The following SETDB1 variants were observed in gnomAD, a reference collection of about 807,000 sequenced individuals.
The protein encoded by SETDB1 is histone-lysine N-methyltransferase SETDB1.
SETDB1 carries 31 observed loss-of-function variants against 137.4 expected under a neutral mutation model. The observed-to-expected ratio is 0.23, with a 90% CI of 0.17 to 0.30. The LOEUF (loss-of-function observed/expected upper bound fraction) is 0.30, where lower values mean the gene tolerates loss of function less well. SETDB1 is among the 10% of genes least tolerant of loss of function. SETDB1 has a pLI of 1.00. For missense variants in SETDB1, 1,113 were observed against 1,631.5 expected, an observed-to-expected ratio of 0.68 and a Z score of 5.47; for synonymous variants, 548 against 579.9, an observed-to-expected ratio of 0.95 and a Z score of 0.79.
At chr1:150,931,269 A>G (rs1669731012) in intron 3 of SETDB1, among the ~76,000 whole-genome samples, 1 of 148,420 alleles carries the variant, frequency 6.7e-6, no homozygotes, top group Admixed American at 6.8e-5. Context: ...TTCAAAAAAA[A>G]AAAAAAAAAA....
At chr1:150,962,310 G>A (rs1670847700) in intron 17 of SETDB1, 152 bp downstream of exon 17, 6 of 759,028 alleles carry the variant, frequency 7.9e-6, no homozygotes, top group Non-Finnish European at 1.4e-5. Context: ...CTGGGACTAC[G>A]GGTGTGCACC....
chr1:150,939,535 G>T (rs763635273), intron 3 of SETDB1, among the ~76,000 whole-genome samples: 4 of 151,892 alleles, frequency 2.6e-5, no homozygotes, highest in South Asian at 4.2e-4. Flanking sequence ...ATGTTGACCA[G>T]GCTGATCTCA....
In SETDB1 at chr1:150,960,889, A is replaced by G. The variant is rs1670795586; in HGVS notation, c.2830A>G (p.Thr944Ala). The change falls in exon 16 of 22, where the codon ACT becomes GCT. Residue 944 changes from threonine (T) to alanine (A), a missense_variant. Around this residue, in one of 11 missense-constraint regions of SETDB1, gnomAD observed 373 missense variants for 412.7 expected, o/e 0.90. Transcript: ENST00000692827. ...GQKENGLSETTSKDSHPPDLG... is the reference protein window; with the variant it reads ...GQKENGLSETASKDSHPPDLG... ...GAAAGAGAACGGACTCTCTGAGACA[A>G]CTTCCAAGGACTCCCACCCCCCAGA... The G allele has an allele frequency of 1.9e-6, 3 of 1,611,730 alleles. No homozygotes were observed. The highest frequency in any genetic ancestry group is 1.7e-5 in the Admixed American group (1 of 59,802).
chr1:150,939,895 T>A (rs372980687), intron 3 of SETDB1, 45 bp from the exon 4 acceptor site: 1 of 1,477,422 alleles, frequency 6.8e-7, no homozygotes, highest in African/African-American at 1.4e-5. Context: ...CAGAAGTTCC[T>A]CTGTGTAAGT....
chr1:150,952,780 G>A (rs953793760), intron 14 of SETDB1, among the ~76,000 whole-genome samples: 1 of 152,062 alleles, frequency 6.6e-6, no homozygotes, highest in African/African-American at 2.4e-5. Flanking sequence ...TCAGCTACTC[G>A]GGAGGCTGAG....
At position 150,941,363 on chromosome 1, in the gene SETDB1, C is replaced by T; in HGVS notation, c.482C>T (p.Ala161Val). ...GCTATGGCTGCCTTAAGAAAGTCAG[C>T]TCAAGATGTTCAGAAGTTCATGGAT... ...REAMAALRKSAQDVQKFMDAV... is the reference protein window; with the variant it reads ...REAMAALRKSVQDVQKFMDAV... Residue 161 changes from alanine (A) to valine (V), a missense_variant, in exon 5 of 22, where the codon GCT (alanine) becomes GTT (valine). Coordinates refer to ENST00000692827, the MANE Select transcript of SETDB1 (RefSeq NM_001366418.1). 6.2e-7 allele frequency: 1 copy of T among 1,613,686 alleles called. No homozygotes were observed. Among genetic ancestry groups the T allele is most frequent in the Non-Finnish European group, 8.5e-7 (1 of 1,179,622 alleles).
rs1239365468 is a variant in SETDB1, at chr1:150,951,365, G to T, written c.2217G>T (p.Lys739Asn). The T allele has an allele frequency of 1.2e-6, 2 of 1,600,824 alleles. No individual in the cohort carries two copies. ...TCCTTTATTTCCCTCTGTCATATAG[G>T]TCCAAGTGTGCCTGCCATCAACTAA... is the stretch of plus-strand genomic sequence containing the variant. ...GCDCKDGCRD[K>N]SKCACHQLTI... Residue 739 changes from lysine (K) to asparagine (N), a missense_variant and splice_region_variant, in exon 14 of 22, where the codon AAG (lysine) becomes AAT (asparagine). By Grantham distance (94) the Lys-to-Asn change is moderately conservative. Coordinates refer to ENST00000692827, the MANE Select transcript of SETDB1 (RefSeq NM_001366418.1).
rs372956009 is a variant in SETDB1 at position 150,961,088 on chromosome 1, G to A, written c.3029G>A (p.Gly1010Asp). ...DSHSSFKTNEGGEGRAGGSRM... is the reference protein window; with the variant it reads ...DSHSSFKTNEDGEGRAGGSRM... Reference sequence around the variant, plus strand: ...CATTCATCCTTCAAGACTAATGAAGGTGGGGAGGGCCGGGCTGGGGGAAGC... The same window carrying A: ...CATTCATCCTTCAAGACTAATGAAGATGGGGAGGGCCGGGCTGGGGGAAGC... The change falls in exon 16 of 22, where the codon GGT becomes GAT. Residue 1010 changes from glycine to aspartate, a missense_variant. Coordinates refer to ENST00000692827, the MANE Select transcript of SETDB1 (RefSeq NM_001366418.1). The A allele has an allele frequency of 1.2e-6, 2 of 1,613,610 alleles. No individual in the cohort carries two copies. The highest frequency in any genetic ancestry group is 1.7e-6 in the Non-Finnish European group (2 of 1,179,740).
At chr1:150,939,914 C>T in intron 3 of SETDB1, 26 bp from the exon 4 acceptor site, 1 of 1,592,746 alleles carries the variant, frequency 6.3e-7, no homozygotes. Flanking sequence ...GTCTCTGACA[C>T]TCATTAGAGT....
chr1:150,939,196 C>T (rs1670051001), intron 3 of SETDB1, among the ~76,000 whole-genome samples: 1 of 151,014 alleles, frequency 6.6e-6, no homozygotes, highest in Non-Finnish European at 1.5e-5. Context: ...AGGTGATCCA[C>T]CCACCTCGGC....
intron 10 of SETDB1, among the ~76,000 whole-genome samples, chr1:150,948,571 G>A (rs941485258): frequency 6.6e-6 from 1 of 151,430 alleles, no homozygotes; most frequent in Non-Finnish European, 1.5e-5. Flanking sequence ...GCGCCTGGCC[G>A]TTATTCTTTT....
intron 14 of SETDB1, among the ~76,000 whole-genome samples, chr1:150,957,255 C>T (rs1558024918): frequency 6.6e-6 from 1 of 152,130 alleles, no homozygotes; most frequent in Non-Finnish European, 1.5e-5. Context: ...ATAATCCCAG[C>T]TACTTGGGAG....
intron 17 of SETDB1, 132 bp from the exon 18 acceptor site, chr1:150,962,455 C>T (rs1045817321): frequency 1.2e-6 from 1 of 862,796 alleles, no homozygotes; most frequent in Non-Finnish European, 1.9e-6. Context: ...GGGATTACAG[C>T]CATGAGCTAC....
At position 150,944,054 on chromosome 1, in the gene SETDB1, G is replaced by A. The variant is rs1670247285; in HGVS notation, c.949+61G>A. ...CTCCTCTACCTTGTATTTCTTCTTA[G>A]GACATCCAGTTGAAAAGCCCTAGTG... On this transcript the variant is annotated intron_variant, in intron 8 of 21. Transcript: ENST00000692827. The A allele has an allele frequency of 2.6e-6, 3 of 1,140,142 alleles. No homozygotes were observed. In the East Asian group the frequency reaches 7.0e-5, roughly 27 times the overall value. The allele number at this position is 1,140,142 out of a possible 1,614,324, so 70.6% of individuals were successfully genotyped here.
At chr1:150,933,279 C>G (rs1027700486) in intron 3 of SETDB1, among the ~76,000 whole-genome samples, 1 of 151,634 alleles carries the variant, frequency 6.6e-6, no homozygotes, top group African/African-American at 2.4e-5. Context: ...AGGCTGGTCT[C>G]GAACTCCTGA....
At chr1:150,929,164 GC>G (rs981365602) in intron 2 of SETDB1, among the ~76,000 whole-genome samples, 17 of 151,990 alleles carry the variant, frequency 1.1e-4, no homozygotes, top group African/African-American at 4.1e-4. Context: ...TTGAGGAATC[GC>G]CACACTGTCT....
Position 150,942,600 on chromosome 1 carries a change from T to C in SETDB1, c.585T>C (p.Asp195=), listed in dbSNP as rs372064256. 4 of 1,613,762 alleles carry C rather than the reference T, an allele frequency of 2.5e-6. No homozygotes were observed. In the African/African-American group the frequency reaches 5.3e-5, roughly 22 times the overall value. ...AGATGTCTGGAGAACTAAGCAAAGA[T>C]GGTGACCTGATAGTCAGCATGCGAA... is the stretch of plus-strand genomic sequence containing the variant. ...LSQMSGELSK[D]GDLIVSMRIL... The change falls in exon 6 of 22, where the codon GAT becomes GAC. Residue 195 remains aspartate (D), a synonymous_variant. Coordinates refer to ENST00000692827, the MANE Select transcript of SETDB1 (RefSeq NM_001366418.1).
Position 150,964,078 on chromosome 1 carries a change from C to T in SETDB1, c.3756C>T (p.Ala1252=), listed in dbSNP as rs747093885. The T allele has an allele frequency of 1.2e-5, 20 of 1,613,580 alleles. No homozygotes were observed. In the Admixed American group the frequency reaches 3.2e-4, roughly 26 times the overall value. The change falls in exon 21 of 22, where the codon GCC becomes GCT. Residue 1252 remains alanine, a synonymous_variant. Transcript: ENST00000692827. ...GCTTCCCCTGGGTGGCCTTCTTTGC[C>T]AGCAAGTAAGGAGTCAGGAAAGGGG... ...DLRFPWVAFF[A]SKRIRAGTEL...
chr1:150,942,957 T>TG lies in SETDB1; in HGVS notation c.782dup (p.Ser262GlnfsTer22). The TG allele has an allele frequency of 6.2e-7, 1 of 1,614,074 alleles. No individual in the cohort carries two copies. On this transcript the variant is annotated frameshift_variant, in exon 7 of 22. Coordinates refer to ENST00000692827, the MANE Select transcript of SETDB1 (RefSeq NM_001366418.1). LOFTEE classifies it high-confidence loss of function. Reference sequence around the variant, plus strand: ...CACCCTCCTGCTGACAAGCTGTATGTGGGCAGTCGGGTGGTCGCCAAATAC... The same window carrying TG: ...CACCCTCCTGCTGACAAGCTGTATGTGGGGCAGTCGGGTGGTCGCCAAATAC...
Sources: allele counts gnomAD v4.1 joint callset (sites outside exome capture counted in the v4.1 genomes callset), GRCh38; gene constraint gnomAD v4.1.1; regional missense constraint gnomAD v4.1.1; transcripts MANE v1.5; gene names NCBI Gene and HGNC (gene_info 2026-07-23, HGNC 2026-07-21).